GNG7: variants seen among roughly 807,000 people sequenced by gnomAD.
GNG7 encodes G protein subunit gamma 7.
In GNG7, 1 loss-of-function variant was observed where a neutral mutation model predicts 4.0. The ratio of observed to expected loss-of-function variants is 0.25; its 90% confidence interval spans 0.09 to 1.18. GNG7 has a LOEUF of 1.18. GNG7 is among the 50% of genes most tolerant of loss of function. The pLI, the probability that GNG7 is intolerant of heterozygous loss-of-function variation, is 0.50. For missense variants in GNG7, 86 were observed against 91.9 expected (o/e 0.94, Z 0.26); for synonymous variants, 34 against 36.9 (o/e 0.92, Z 0.29).
chr19:2,573,019 CT>C (rs1201908411), intron 2 of GNG7, among the ~76,000 whole-genome samples: 9,099 of 132,736 alleles, frequency 0.069, 130 homozygotes, highest in African/African-American at 0.13. Flanking sequence ...GAAATTTCTC[CT>C]TTTTTTTTTT....
At chr19:2,660,851 G>A (rs1389310992) in intron 1 of GNG7, among the ~76,000 whole-genome samples, 1 of 152,024 alleles carries the variant, frequency 6.6e-6, no homozygotes, top group Non-Finnish European at 1.5e-5. Flanking sequence ...TGTGTTCTGG[G>A]GGAAGCCAGC....
At chr19:2,585,562 C>T (rs1442495409) in intron 2 of GNG7, among the ~76,000 whole-genome samples, 2 of 152,168 alleles carry the variant, frequency 1.3e-5, no homozygotes, top group African/African-American at 2.4e-5. Flanking sequence ...TGAAAACAGC[C>T]AGTTAGAAAC....
chr19:2,667,469 C>G (rs1187010785), intron 1 of GNG7, among the ~76,000 whole-genome samples: 1 of 152,098 alleles, frequency 6.6e-6, no homozygotes, highest in African/African-American at 2.4e-5. Flanking sequence ...ACCTCGGCTG[C>G]AAAGGGCATT....
At chr19:2,578,130 G>T (rs1008951217) in intron 2 of GNG7, among the ~76,000 whole-genome samples, 2 of 152,102 alleles carry the variant, frequency 1.3e-5, no homozygotes, top group African/African-American at 4.8e-5. Flanking sequence ...GAGCCACCGC[G>T]CCCGGCTACG....
intron 1 of GNG7, among the ~76,000 whole-genome samples, chr19:2,698,745 C>T (rs1913330176): frequency 6.6e-6 from 1 of 151,626 alleles, no homozygotes; most frequent in Admixed American, 6.6e-5. Flanking sequence ...CGAATAACAC[C>T]TTGAATGAAG....
intron 2 of GNG7, among the ~76,000 whole-genome samples, chr19:2,598,635 C>A (rs918707649): frequency 6.6e-6 from 1 of 150,576 alleles, no homozygotes; most frequent in Non-Finnish European, 1.5e-5. Context: ...CCAGCCTGAG[C>A]GACAGAGCGA....
intron 2 of GNG7, among the ~76,000 whole-genome samples, chr19:2,566,261 A>G (rs1012860684): frequency 2.6e-5 from 4 of 152,176 alleles, no homozygotes; most frequent in African/African-American, 9.7e-5. Context: ...TTGGGGTGAC[A>G]AGGCAGAGAT....
At chr19:2,537,597 T>C (rs576869750) in intron 3 of GNG7, among the ~76,000 whole-genome samples, 1 of 151,892 alleles carries the variant, frequency 6.6e-6, no homozygotes, top group Non-Finnish European at 1.5e-5. Flanking sequence ...GTAATCAACA[T>C]ATAATACACT....
intron 3 of GNG7, among the ~76,000 whole-genome samples, chr19:2,536,622 A>G (rs542959639): frequency 1.3e-5 from 2 of 152,324 alleles, no homozygotes; most frequent in Admixed American, 6.5e-5. Context: ...TGTGGGTCGT[A>G]TATGTGACAG....
At chr19:2,572,786 G>A (rs1980189412) in intron 2 of GNG7, among the ~76,000 whole-genome samples, 1 of 150,714 alleles carries the variant, frequency 6.6e-6, no homozygotes, top group Admixed American at 6.6e-5. Context: ...TTCTAGAGAT[G>A]GGGTCTCACT....
At chr19:2,550,231 A>G (rs1330823666) in intron 3 of GNG7, among the ~76,000 whole-genome samples, 1 of 151,926 alleles carries the variant, frequency 6.6e-6, no homozygotes, top group East Asian at 1.9e-4. Flanking sequence ...TTGCTGGCTT[A>G]TTTTGAGACG....
At chr19:2,627,503 C>T (rs995365647) in intron 2 of GNG7, among the ~76,000 whole-genome samples, 47 of 152,224 alleles carry the variant, frequency 3.1e-4, no homozygotes, top group African/African-American at 1.1e-3. Flanking sequence ...TCACAGCTGG[C>T]AGCCCGCGTG....
At chr19:2,659,091 T>C (rs1361912889) in intron 1 of GNG7, among the ~76,000 whole-genome samples, 1 of 151,472 alleles carries the variant, frequency 6.6e-6, no homozygotes, top group Non-Finnish European at 1.5e-5. Context: ...TGCCTCAGCC[T>C]CCCGAGTAGC....
At chr19:2,645,991 A>T (rs1303573176) in intron 2 of GNG7, among the ~76,000 whole-genome samples, 1 of 152,146 alleles carries the variant, frequency 6.6e-6, no homozygotes, top group Non-Finnish European at 1.5e-5. Flanking sequence ...CGGCACCAGC[A>T]GGACCAGTGA....
In GNG7 at chr19:2,514,786, T is replaced by C. The variant is rs1440612438; in HGVS notation, c.*236A>G. 4 of 388,528 alleles carry C rather than the reference T, an allele frequency of 1.0e-5. No homozygotes were observed. The highest frequency in any genetic ancestry group is 1.9e-5 in the Non-Finnish European group (4 of 211,480). 24.1% of individuals were successfully genotyped at this position (388,528 alleles called of 1,614,324 possible). A position where few individuals can be genotyped will look rare whatever the true frequency, so the allele number is the denominator to read the frequency against. On this transcript the variant is annotated 3_prime_UTR_variant, in exon 5 of 5. Transcript: ENST00000382159. Reference sequence around the variant, plus strand: ...CTTTTGGCCCAAACTGAGAGGGCCATGGGGTCGGACCTGAAAATTCATCTC... The same window carrying C: ...CTTTTGGCCCAAACTGAGAGGGCCACGGGGTCGGACCTGAAAATTCATCTC...
intron 3 of GNG7, among the ~76,000 whole-genome samples, chr19:2,537,394 T>C (rs1056360064): frequency 1.3e-5 from 2 of 151,828 alleles, no homozygotes; most frequent in Non-Finnish European, 2.9e-5. Flanking sequence ...TACAGGTGCA[T>C]GCCACTAGGC....
At chr19:2,545,524 G>A (rs1599382690) in intron 3 of GNG7, among the ~76,000 whole-genome samples, 1 of 151,954 alleles carries the variant, frequency 6.6e-6, no homozygotes, top group African/African-American at 2.4e-5. Context: ...GGTAGCGCAT[G>A]CCTGTAATCC....
intron 3 of GNG7, among the ~76,000 whole-genome samples, chr19:2,523,837 A>G (rs1360806875): frequency 1.3e-5 from 2 of 152,130 alleles, no homozygotes; most frequent in Admixed American, 1.3e-4. Context: ...AATTAAACAA[A>G]AAATCCCTTT....
intron 2 of GNG7, among the ~76,000 whole-genome samples, chr19:2,621,890 A>G (rs1012626824): frequency 6.6e-6 from 1 of 152,060 alleles, no homozygotes; most frequent in African/African-American, 2.4e-5. Flanking sequence ...AGCTTGGTTT[A>G]GTACTTCTGC....
Sources: allele counts gnomAD v4.1 joint callset (sites outside exome capture counted in the v4.1 genomes callset), GRCh38; gene constraint gnomAD v4.1.1; transcripts MANE v1.5; gene names NCBI Gene and HGNC (gene_info 2026-07-23, HGNC 2026-07-21).